The following ANGPT4 variants were observed in gnomAD, a reference collection of about 807,000 sequenced individuals.
ANGPT4 encodes angiopoietin 4, also known as angiopoietin-4.
A neutral mutation model predicts 53.0 loss-of-function variants in ANGPT4; 50 were observed. That is an observed-to-expected ratio of 0.94 (90% CI 0.75 to 1.20). The LOEUF (loss-of-function observed/expected upper bound fraction) is 1.20. Ranked by LOEUF, ANGPT4 falls within the 50% of genes most tolerant of loss-of-function variation. The pLI, the probability that ANGPT4 is intolerant of heterozygous loss-of-function variation, is 0.00. For synonymous variants in ANGPT4, 251 were observed against 259.7 expected, an observed-to-expected ratio of 0.97 and a Z score of 0.32; for missense variants, 648 against 637.1, an observed-to-expected ratio of 1.02 and a Z score of -0.18.
chr20:908,401 C>T lies in ANGPT4; in HGVS notation c.309+7505G>A, dbSNP rs1600064729. On this transcript the variant is annotated intron_variant, in intron 1 of 8. Coordinates refer to ENST00000381922, the MANE Select transcript of ANGPT4 (RefSeq NM_015985.4). The surrounding 1 kb of genome is among the most constrained non-coding windows in gnomAD (Gnocchi z 4.9). ...GTCCCGTGTGCCTGGAATGCTTTTGCTTCCTTTCCCTGTCTCGCCACTGCC... is the reference window on the plus strand; with the variant it reads ...GTCCCGTGTGCCTGGAATGCTTTTGTTTCCTTTCCCTGTCTCGCCACTGCC... Among the ~76,000 whole-genome samples the T allele has an allele frequency of 6.6e-6, 1 of 152,226 alleles. No individual in the cohort carries two copies. The highest frequency in any genetic ancestry group is 1.9e-4 in the East Asian group (1 of 5,200).
chr20:913,705 G>A lies in ANGPT4; in HGVS notation c.309+2201C>T, dbSNP rs982912816. On this transcript the variant is annotated intron_variant, in intron 1 of 8. Coordinates refer to ENST00000381922, the MANE Select transcript of ANGPT4 (RefSeq NM_015985.4). ...GGTGAGACTTGGGGTAGGAGGCCCA[G>A]TGGGAGGTGATGACAGCATCCTGGG... is the stretch of plus-strand genomic sequence containing the variant. Among the ~76,000 whole-genome samples, 3 of 152,244 alleles carry A rather than the reference G, an allele frequency of 2.0e-5. No individual in the cohort carries two copies. The South Asian group carries it at 6.2e-4, about 31-fold the overall frequency.
At chr20:904,649 CAG>C (rs1453663417) in intron 1 of ANGPT4, among the ~76,000 whole-genome samples, 1 of 152,150 alleles carries the variant, frequency 6.6e-6, no homozygotes, top group Non-Finnish European at 1.5e-5. Context: ...TTTTTTGAGG[CAG>C]AGTCTTGCTT....
intron 1 of ANGPT4, among the ~76,000 whole-genome samples, chr20:893,022 G>A (rs1240721828): frequency 6.6e-6 from 1 of 152,116 alleles, no homozygotes; most frequent in Non-Finnish European, 1.5e-5. Context: ...CTCCTTTACA[G>A]ACTCCTACAC....
chr20:875,684 G>A (rs545543930), intron 7 of ANGPT4, among the ~76,000 whole-genome samples: 113 of 152,310 alleles, frequency 7.4e-4, no homozygotes, highest in African/African-American at 2.7e-3. Context: ...GCAGTGTCAC[G>A]GGGTGAGTGC....
At chr20:875,858 G>A (rs4599198) in intron 7 of ANGPT4, among the ~76,000 whole-genome samples, 6,016 of 152,218 alleles carry the variant, frequency 0.04, 307 homozygotes, top group African/African-American at 0.12. Context: ...GGCTGGGTAG[G>A]GTGGCTCACG....
intron 4 of ANGPT4, among the ~76,000 whole-genome samples, chr20:884,590 T>G (rs1411034737): frequency 1.3e-5 from 2 of 152,228 alleles, no homozygotes; most frequent in Non-Finnish European, 1.5e-5. Flanking sequence ...GGGCCAGGGA[T>G]GCCTCTTCAC....
chr20:883,210 TCTGA>T (rs1230176206), intron 4 of ANGPT4, among the ~76,000 whole-genome samples: 1 of 152,254 alleles, frequency 6.6e-6, no homozygotes, highest in African/African-American at 2.4e-5. Flanking sequence ...CTCCGGCCCA[TCTGA>T]CTGCAAAGCC....
At chr20:904,253 G>A (rs911650328) in intron 1 of ANGPT4, among the ~76,000 whole-genome samples, 2 of 152,162 alleles carry the variant, frequency 1.3e-5, no homozygotes, top group South Asian at 4.1e-4. Flanking sequence ...CCAGAGAAAC[G>A]CTATGCATAC....
chr20:886,300 C>A (rs6118088), intron 3 of ANGPT4, among the ~76,000 whole-genome samples: 5,335 of 152,174 alleles, frequency 0.035, 317 homozygotes, highest in African/African-American at 0.12. Context: ...ACCTCAATAT[C>A]CATTAACTGG....
intron 1 of ANGPT4, among the ~76,000 whole-genome samples, chr20:909,540 C>T (rs893709026): frequency 6.6e-6 from 1 of 152,166 alleles, no homozygotes; most frequent in Admixed American, 6.5e-5. Flanking sequence ...TTCCTTGCAC[C>T]GTGAATCCTG....
chr20:896,962 G>T (rs1057266910), intron 1 of ANGPT4, among the ~76,000 whole-genome samples: 3 of 152,144 alleles, frequency 2.0e-5, no homozygotes, highest in Admixed American at 6.5e-5. Flanking sequence ...GAAAATGGCT[G>T]GTTCCTGCCT....
chr20:878,405 A>G, intron 6 of ANGPT4, 78 bp from the exon 7 acceptor site: 1 of 1,422,802 alleles, frequency 7.0e-7, no homozygotes, highest in East Asian at 2.4e-5. Context: ...GGGCTGGGCC[A>G]GGCTCCAGGG....
At position 871,746 on chromosome 20, in the gene ANGPT4, A is replaced by C. The variant is rs1980950074; in HGVS notation, c.*1214T>G. 6.6e-6 allele frequency: 1 copy of C among 152,242 alleles called. No homozygotes were observed. The highest frequency in any genetic ancestry group is 1.5e-5 in the Non-Finnish European group (1 of 68,080). The allele number at this position is 152,242 out of a possible 1,614,324, so 9.4% of individuals were successfully genotyped here. A position where few individuals can be genotyped will look rare whatever the true frequency, so the allele number is the denominator to read the frequency against. ...GGGAGTTGAGGTTACAGGGAGTCCT[A>C]AGGGAAGCCACCCAGGTAGAGATCA... On this transcript the variant is annotated 3_prime_UTR_variant, in exon 9 of 9. Transcript: ENST00000381922.
At chr20:880,350 C>A (rs921666778) in intron 5 of ANGPT4, among the ~76,000 whole-genome samples, 1 of 152,014 alleles carries the variant, frequency 6.6e-6, no homozygotes, top group Admixed American at 6.6e-5. Flanking sequence ...ATTTGAGGGC[C>A]GAGGAGGGAG....
rs1357903361 is a variant in ANGPT4 at position 881,275 on chromosome 20, C to T, written c.847G>A (p.Ala283Thr). 1 of 1,614,178 alleles carries T rather than the reference C, an allele frequency of 6.2e-7. No homozygotes were observed. Among genetic ancestry groups the T allele is most frequent in the Non-Finnish European group, 8.5e-7 (1 of 1,180,030 alleles). ...CAGTCCTGGAACACCTGCTCACCTG[C>T]CATTATGAAGGCTGCAAAGGGACAA... Reference protein sequence around the residue: ...ANASAPAFIMAGEQVFQDCAE... With the variant: ...ANASAPAFIMTGEQVFQDCAE... Residue 283 changes from alanine to threonine, a missense_variant, in exon 5 of 9, where the codon GCA becomes ACA. Physicochemically the swap from Ala to Thr is moderately conservative, Grantham distance 58. Transcript: ENST00000381922.
At chr20:890,157 C>T (rs1454711026) in intron 2 of ANGPT4, 56 bp downstream of exon 2, 27 of 1,576,818 alleles carry the variant, frequency 1.7e-5, no homozygotes, top group South Asian at 1.5e-4. Flanking sequence ...ACTGGGGCTA[C>T]GAACCAGCCT....
At chr20:905,189 G>A (rs1181429496) in intron 1 of ANGPT4, among the ~76,000 whole-genome samples, 1 of 152,172 alleles carries the variant, frequency 6.6e-6, no homozygotes, top group Non-Finnish European at 1.5e-5. Context: ...ATCACAGTGT[G>A]CACTCTGGCT....
chr20:901,437 C>T (rs12624548), intron 1 of ANGPT4, among the ~76,000 whole-genome samples: 25,892 of 151,972 alleles, frequency 0.17, 2,579 homozygotes, highest in East Asian at 0.35. Context: ...CCCCCTTTAA[C>T]GTAATTTTCC....
At chr20:913,324 C>G (rs1391957582) in intron 1 of ANGPT4, among the ~76,000 whole-genome samples, 1 of 152,158 alleles carries the variant, frequency 6.6e-6, no homozygotes, top group Non-Finnish European at 1.5e-5. Flanking sequence ...GCACTCCCCA[C>G]TGGGGACCAG....
Sources: allele counts gnomAD v4.1 joint callset (sites outside exome capture counted in the v4.1 genomes callset), GRCh38; gene constraint gnomAD v4.1.1; non-coding constraint Gnocchi (gnomAD v3.1); transcripts MANE v1.5; gene names NCBI Gene and HGNC (gene_info 2026-07-23, HGNC 2026-07-21).